The following UTS2 variants were observed in gnomAD, a reference collection of about 807,000 sequenced individuals.
UTS2 encodes urotensin 2.
UTS2 carries 10 observed loss-of-function variants against 12.6 expected under a neutral mutation model. The ratio of observed to expected loss-of-function variants is 0.80; its 90% CI spans 0.49 to 1.35. The LOEUF is 1.35. Ranked by LOEUF, UTS2 falls within the 40% of genes most tolerant of loss-of-function variation. The pLI, the probability that UTS2 is intolerant of heterozygous loss-of-function variation, is 0.00. For missense variants in UTS2, 142 were observed against 143.2 expected, an observed-to-expected ratio of 0.99 and a Z score of 0.04; for synonymous variants, 52 against 50.0, an observed-to-expected ratio of 1.04 and a Z score of -0.17.
At chr1:7,886,180 G>C in the UTS2 span, among the ~76,000 whole-genome samples, 162 of 152,248 alleles carry the variant, frequency 1.1e-3, no homozygotes, top group African/African-American at 3.2e-3. Flanking sequence ...TCCCCGGGAG[G>C]GGGGAGGGCC....
chr1:7,863,521 G>GT, the UTS2 span, among the ~76,000 whole-genome samples: 66 of 152,288 alleles, frequency 4.3e-4, no homozygotes, highest in African/African-American at 1.5e-3. Flanking sequence ...TTTACTATGT[G>GT]TATCGGGGTT....
intron 3 of UTS2, among the ~76,000 whole-genome samples, chr1:7,848,420 C>G (rs1380086386): frequency 6.6e-6 from 1 of 152,060 alleles, no homozygotes; most frequent in African/African-American, 2.4e-5. Context: ...GCCTGGGTAA[C>G]AGAGCAAGAC....
chr1:7,879,739 T>TAACAAC, the UTS2 span, among the ~76,000 whole-genome samples: 1 of 151,584 alleles, frequency 6.6e-6, no homozygotes, highest in Non-Finnish European at 1.5e-5. Flanking sequence ...AGACTCTGTC[T>TAACAAC]AACAACAACA....
chr1:7,887,853 C>T, the UTS2 span, among the ~76,000 whole-genome samples: 2 of 151,780 alleles, frequency 1.3e-5, no homozygotes, highest in Non-Finnish European at 1.5e-5. Flanking sequence ...TTGGGATATT[C>T]ATCAGTGAAC....
chr1:7,901,682 G>A, the UTS2 span, among the ~76,000 whole-genome samples: 8 of 151,758 alleles, frequency 5.3e-5, no homozygotes, highest in Non-Finnish European at 1.0e-4. Flanking sequence ...CTGTAAGGTA[G>A]GTGCTATTGT....
At chr1:7,902,915 C>A in the UTS2 span, among the ~76,000 whole-genome samples, 1 of 152,064 alleles carries the variant, frequency 6.6e-6, no homozygotes, top group Non-Finnish European at 1.5e-5. Context: ...CCGAGGGAGG[C>A]CTGCGCGCTG....
At chr1:7,909,415 C>T in the UTS2 span, among the ~76,000 whole-genome samples, 1 of 151,634 alleles carries the variant, frequency 6.6e-6, no homozygotes, top group East Asian at 2.0e-4. Context: ...CATGGTAGTG[C>T]ACCCCTGTAA....
At chr1:7,864,884 C>A in the UTS2 span, among the ~76,000 whole-genome samples, 1 of 151,760 alleles carries the variant, frequency 6.6e-6, no homozygotes, top group African/African-American at 2.4e-5. Flanking sequence ...GCCCCGATAC[C>A]GTCTTCCCCA....
the UTS2 span, among the ~76,000 whole-genome samples, chr1:7,905,899 T>C: frequency 6.2e-5 from 9 of 144,602 alleles, no homozygotes; most frequent in African/African-American, 2.3e-4. Context: ...AGTGATGAAG[T>C]GGGGCAGTGT....
intron 3 of UTS2, among the ~76,000 whole-genome samples, chr1:7,848,438 C>CAATA (rs536486376): frequency 3.2e-4 from 49 of 152,012 alleles, no homozygotes; most frequent in African/African-American, 8.9e-4. Context: ...GACCCTGTCT[C>CAATA]AATAAATAAA....
chr1:7,847,918 AAAC>A, intron 3 of UTS2, 36 bp from the exon 4 acceptor site: 1 of 1,465,300 alleles, frequency 6.8e-7, no homozygotes, highest in East Asian at 2.3e-5. Flanking sequence ...CAACAAAAAA[AAAC>A]AGATAAGTTA....
the UTS2 span, among the ~76,000 whole-genome samples, chr1:7,894,369 G>A: frequency 2.0e-5 from 3 of 151,650 alleles, no homozygotes; most frequent in Admixed American, 6.6e-5. Context: ...AGACGGGGTC[G>A]CATCATGTTG....
the UTS2 span, among the ~76,000 whole-genome samples, chr1:7,892,782 C>T: frequency 3.3e-5 from 5 of 152,130 alleles, no homozygotes; most frequent in South Asian, 2.1e-4. Flanking sequence ...CCACCTCGCC[C>T]GGCCCCACCT....
chr1:7,872,299 C>CAAAAAAAAAAAAAAAAAAAAAA, the UTS2 span, among the ~76,000 whole-genome samples: 1 of 65,884 alleles, frequency 1.5e-5, no homozygotes, highest in Admixed American at 2.7e-4. Flanking sequence ...GACTCTGTCT[C>CAAAAAAAAAAAAAAAAAAAAAA]AAAAAAAAAA....
Position 7,850,878 on chromosome 1 carries a change from CTCTT to C in UTS2, c.144_147del (p.Arg49LeufsTer35), listed in dbSNP as rs780014134. On this transcript the variant is annotated frameshift_variant, in exon 2 of 4. Coordinates refer to ENST00000361696, the MANE Select transcript of UTS2 (RefSeq NM_006786.4). LOFTEE classifies it high-confidence loss of function. ...TCTGGCAGTATCTGTAGAAGGGAAG[CTCTT>C]TCTAGCTCCTCCGGAGTTAAGCGCG... is the stretch of plus-strand genomic sequence containing the variant. 2 of 1,614,144 alleles carry C rather than the reference CTCTT, an allele frequency of 1.2e-6. No individual in the cohort carries two copies. The highest frequency in any genetic ancestry group is 2.2e-5 in the South Asian group (2 of 91,072).
chr1:7,879,145 C>T, the UTS2 span, among the ~76,000 whole-genome samples: 2 of 152,210 alleles, frequency 1.3e-5, no homozygotes, highest in Non-Finnish European at 2.9e-5. Flanking sequence ...TTAAACTTCA[C>T]TTTAGACCAA....
chr1:7,850,422 C>A (rs1216874823), intron 2 of UTS2, among the ~76,000 whole-genome samples: 6 of 152,082 alleles, frequency 3.9e-5, no homozygotes, highest in African/African-American at 1.4e-4. Flanking sequence ...TCACAAGTTA[C>A]CTTCTGAGGT....
the UTS2 span, among the ~76,000 whole-genome samples, chr1:7,885,999 G>A: frequency 3.8e-3 from 575 of 152,068 alleles, 7 homozygotes; most frequent in African/African-American, 0.013. Context: ...TGTAGTCAAA[G>A]GATCTTGCCT....
rs757820163 is a variant in UTS2, at chr1:7,847,775, G to A, written c.366C>T (p.Tyr122=). The change falls in exon 4 of 4, where the codon TAC becomes TAT. Residue 122 remains tyrosine, a synonymous_variant. Coordinates refer to ENST00000361696, the MANE Select transcript of UTS2 (RefSeq NM_006786.4). The part of the protein sequence containing the change: ...KRETPDCFWK[Y]CV ...AGATGCTTATTTCACTTCAGACACAGTATTTCCAGAAGCAATCAGGAGTCT... is the reference window on the plus strand; with the variant it reads ...AGATGCTTATTTCACTTCAGACACAATATTTCCAGAAGCAATCAGGAGTCT... 1 of 1,611,136 alleles carries A rather than the reference G, an allele frequency of 6.2e-7. No homozygotes were observed. Among genetic ancestry groups the A allele is most frequent in the South Asian group, 1.1e-5 (1 of 90,614 alleles).
Sources: allele counts gnomAD v4.1 joint callset (sites outside exome capture counted in the v4.1 genomes callset), GRCh38; gene constraint gnomAD v4.1.1; transcripts MANE v1.5; gene names NCBI Gene and HGNC (gene_info 2026-07-23, HGNC 2026-07-21).